The following RBFOX1 variants were observed in gnomAD, a reference collection of about 807,000 sequenced individuals.
RBFOX1 encodes the protein RNA binding fox-1 homolog 1.
In RBFOX1, 8 loss-of-function variants were observed where a neutral mutation model predicts 57.7. The ratio of observed to expected loss-of-function variants is 0.14; its 90% CI spans 0.08 to 0.25. The LOEUF (loss-of-function observed/expected upper bound fraction) is 0.25, where lower values mean the gene tolerates loss of function less well. Among genes scored for constraint, RBFOX1 ranks in the 10% least tolerant of loss-of-function variants. The pLI, the probability that RBFOX1 is intolerant of heterozygous loss-of-function variation, is 1.00. For synonymous variants in RBFOX1, 326 were observed against 222.4 expected, an observed-to-expected ratio of 1.47 and a Z score of -4.15; for missense variants, 611 against 548.5, an observed-to-expected ratio of 1.11 and a Z score of -1.14.
chr16:5,926,851 C>G (rs959102437), intron 4 of RBFOX1, among the ~76,000 whole-genome samples: 2 of 152,272 alleles, frequency 1.3e-5, no homozygotes, highest in African/African-American at 4.8e-5. Context: ...TCTCAGCAAC[C>G]TGTTAAGTCG....
At chr16:6,755,549 C>T (rs1237826606) in intron 3 of RBFOX1, among the ~76,000 whole-genome samples, 1 of 152,148 alleles carries the variant, frequency 6.6e-6, no homozygotes, top group Non-Finnish European at 1.5e-5. Context: ...ATATTTGCTA[C>T]AGTTTTGATG....
intron 1 of RBFOX1, among the ~76,000 whole-genome samples, chr16:6,259,641 C>T (rs1360318463): frequency 6.6e-6 from 1 of 152,052 alleles, no homozygotes. Context: ...TATCTGCGAT[C>T]ATGTACGTAG....
intron 4 of RBFOX1, among the ~76,000 whole-genome samples, chr16:7,174,743 G>A (rs2081328368): frequency 6.6e-6 from 1 of 152,204 alleles, no homozygotes; most frequent in Admixed American, 6.5e-5. Context: ...TTGCGCCATT[G>A]CACTCCAGAC....
intron 4 of RBFOX1, among the ~76,000 whole-genome samples, chr16:7,358,385 A>T (rs566903999): frequency 2.6e-5 from 4 of 152,142 alleles, no homozygotes; most frequent in Non-Finnish European, 5.9e-5. Flanking sequence ...ATTCAAGGAA[A>T]ATTAAGACTT....
At chr16:5,414,856 A>G (rs926412066) in intron 1 of RBFOX1, among the ~76,000 whole-genome samples, 2 of 152,176 alleles carry the variant, frequency 1.3e-5, no homozygotes, top group African/African-American at 4.8e-5. Flanking sequence ...TTCTTGAGGA[A>G]GTTAAGGAGC....
chr16:5,327,249 C>G (rs1276481569), intron 1 of RBFOX1, among the ~76,000 whole-genome samples: 1 of 152,078 alleles, frequency 6.6e-6, no homozygotes, highest in Non-Finnish European at 1.5e-5. Context: ...GACCCTGCAC[C>G]AATCTGCTGA....
chr16:6,623,747 A>T (rs765649220), intron 2 of RBFOX1, among the ~76,000 whole-genome samples: 3 of 152,132 alleles, frequency 2.0e-5, no homozygotes, highest in Non-Finnish European at 4.4e-5. Flanking sequence ...TTCCAGCTTC[A>T]TCCATGTCCC....
chr16:7,249,909 C>G (rs2094445508), intron 4 of RBFOX1, among the ~76,000 whole-genome samples: 1 of 152,118 alleles, frequency 6.6e-6, no homozygotes, highest in South Asian at 2.1e-4. Context: ...AAGGTTAAAC[C>G]AATTTACACT....
chr16:6,804,867 T>A (rs1486751267), intron 3 of RBFOX1, among the ~76,000 whole-genome samples: 1 of 152,170 alleles, frequency 6.6e-6, no homozygotes, highest in Non-Finnish European at 1.5e-5. Flanking sequence ...AATTTCATTC[T>A]TAAAAAGGCC....
intron 3 of RBFOX1, among the ~76,000 whole-genome samples, chr16:5,733,307 G>A (rs370466581): frequency 1.3e-4 from 20 of 152,252 alleles, no homozygotes; most frequent in African/African-American, 4.8e-4. Flanking sequence ...CCTCGTAAAC[G>A]CTAGGCTGTG....
chr16:7,394,861 C>T (rs1283410889), intron 4 of RBFOX1, among the ~76,000 whole-genome samples: 6 of 152,170 alleles, frequency 3.9e-5, no homozygotes, highest in Non-Finnish European at 7.3e-5. Flanking sequence ...TCTACTTCCA[C>T]GATCCTCTCT....
chr16:5,665,534 G>A (rs1228700238), intron 3 of RBFOX1, among the ~76,000 whole-genome samples: 1 of 152,158 alleles, frequency 6.6e-6, no homozygotes, highest in Non-Finnish European at 1.5e-5. Flanking sequence ...GGGATTGTAT[G>A]TTTGCTGTTT....
chr16:7,529,652 G>C (rs2079527702), intron 5 of RBFOX1, among the ~76,000 whole-genome samples: 2 of 151,874 alleles, frequency 1.3e-5, no homozygotes, highest in South Asian at 4.1e-4. Flanking sequence ...ATTCATTTTT[G>C]TTATCTGTCC....
At chr16:6,268,191 A>T (rs968350505) in intron 1 of RBFOX1, among the ~76,000 whole-genome samples, 8 of 152,126 alleles carry the variant, frequency 5.3e-5, no homozygotes, top group African/African-American at 1.9e-4. Flanking sequence ...CTTTTGTGAC[A>T]GTTTCCTCTC....
chr16:7,169,786 A>C (rs1431977447), intron 4 of RBFOX1, among the ~76,000 whole-genome samples: 1 of 151,470 alleles, frequency 6.6e-6, no homozygotes, highest in East Asian at 2.0e-4. Context: ...AAAATGTATA[A>C]TTGCAGGGTG....
At chr16:6,355,756 G>A (rs543461628) in intron 2 of RBFOX1, among the ~76,000 whole-genome samples, 1 of 152,290 alleles carries the variant, frequency 6.6e-6, no homozygotes, top group African/African-American at 2.4e-5. Context: ...CACCAACAGT[G>A]TAAAAGAGTT....
At chr16:6,194,332 C>T (rs184905492) in intron 1 of RBFOX1, among the ~76,000 whole-genome samples, 1 of 152,102 alleles carries the variant, frequency 6.6e-6, no homozygotes, top group Non-Finnish European at 1.5e-5. Flanking sequence ...ATTGGCATTT[C>T]TTCTCTTTCC....
At chr16:6,932,984 A>T (rs1270423595) in intron 3 of RBFOX1, among the ~76,000 whole-genome samples, 1 of 152,186 alleles carries the variant, frequency 6.6e-6, no homozygotes, top group Non-Finnish European at 1.5e-5. Context: ...TGTAAGTGGA[A>T]TCATTCAGTA....
At chr16:6,688,012 G>T (rs1032146860) in intron 3 of RBFOX1, among the ~76,000 whole-genome samples, 1 of 152,202 alleles carries the variant, frequency 6.6e-6, no homozygotes, top group Non-Finnish European at 1.5e-5. Flanking sequence ...GCCAAGCACT[G>T]TGCTATGCAC....
Sources: gnomAD v4.1 joint callset for allele counts (sites outside exome capture counted in the v4.1 genomes callset) on GRCh38, gnomAD v4.1.1 for gene constraint, MANE v1.5 for transcripts, NCBI Gene and HGNC (gene_info 2026-07-23, HGNC 2026-07-21) for gene names.